ZFHX3: variants seen among roughly 807,000 people sequenced by gnomAD.
ZFHX3 encodes zinc finger homeobox protein 3.
In ZFHX3, 42 loss-of-function variants were observed where a neutral mutation model predicts 279.1. The ratio of observed to expected loss-of-function variants is 0.15; its 90% CI spans 0.12 to 0.19. ZFHX3 has a LOEUF of 0.19. ZFHX3 is among the 10% of genes least tolerant of loss of function. The probability of loss-of-function intolerance (pLI) is 1.00; values close to 1 mark genes in which losing one functional copy is unlikely to be tolerated. For synonymous variants in ZFHX3, 2,293 were observed against 1,957.8 expected (o/e 1.17, Z -4.52); for missense variants, 4,981 against 4,754.0 (o/e 1.05, Z -1.40).
chr16:73,099,750 G>GT (rs760550632), intron 7 of ZFHX3, among the ~76,000 whole-genome samples: 1 of 150,958 alleles, frequency 6.6e-6, no homozygotes, highest in Non-Finnish European at 1.5e-5. Flanking sequence ...AATGAGCTCT[G>GT]TGTGTCCTGC....
At chr16:73,875,007 T>A (rs892966670) in intron 1 of ZFHX3, among the ~76,000 whole-genome samples, 1 of 152,198 alleles carries the variant, frequency 6.6e-6, no homozygotes, top group Non-Finnish European at 1.5e-5. Flanking sequence ...AAGTCTCAAC[T>A]GCTAGTACAT....
intron 7 of ZFHX3, chr16:73,127,241 G>T (rs1226153546): frequency 1.1e-6 from 1 of 943,018 alleles, no homozygotes; most frequent in Non-Finnish European, 1.4e-6. Flanking sequence ...GGTTAGTATC[G>T]ATCAGAGCTA....
rs775085999 is a variant in ZFHX3, at chr16:73,791,581, T to C, written c.-1608+100070A>G. Among the ~76,000 whole-genome samples the C allele has an allele frequency of 6.8e-4, 104 of 152,206 alleles. 1 individual carries two copies. The highest frequency in any genetic ancestry group is 1.1e-3 in the Non-Finnish European group (77 of 67,998). On this transcript the variant is annotated intron_variant, in intron 1 of 17. Coordinates refer to the ZFHX3 transcript ENST00000641206. ...CCAGGACTACAGGCGCACACCACCA[T>C]GCCCAGCTAATTTTTTGTATTTTAA...
intron 5 of ZFHX3, among the ~76,000 whole-genome samples, chr16:73,238,451 G>C (rs2013020616): frequency 6.6e-6 from 1 of 151,780 alleles, no homozygotes; most frequent in South Asian, 2.1e-4. Context: ...TTCTCCCCCA[G>C]CTGCTCTTCA....
intron 3 of ZFHX3, among the ~76,000 whole-genome samples, chr16:73,368,271 A>T (rs1001986627): frequency 4.6e-5 from 7 of 152,240 alleles, no homozygotes; most frequent in Non-Finnish European, 7.3e-5. Flanking sequence ...CAAAACAAAA[A>T]GCCTCTGTAA....
chr16:73,095,115 G>A (rs1405661274), intron 7 of ZFHX3, among the ~76,000 whole-genome samples: 1 of 152,004 alleles, frequency 6.6e-6, no homozygotes, highest in Non-Finnish European at 1.5e-5. Context: ...ATAGAGACAA[G>A]GGTCTTGCTG....
chr16:73,002,710 T>C (rs1204837045), intron 1 of ZFHX3, among the ~76,000 whole-genome samples: 1 of 152,230 alleles, frequency 6.6e-6, no homozygotes, highest in Non-Finnish European at 1.5e-5. Context: ...TAAGGACATT[T>C]TGTGAAGCAT....
Position 72,797,134 on chromosome 16 carries a change from A to G in ZFHX3, c.5548T>C (p.Leu1850=). The G allele has an allele frequency of 6.2e-7, 1 of 1,613,758 alleles. No individual in the cohort carries two copies. The highest frequency in any genetic ancestry group is 1.3e-5 in the African/African-American group (1 of 74,960). The stretch of plus-strand genomic sequence containing the variant: ...AGTTGGTTCTGCTGCTGCTGCGGCA[A>G]GATCTGCTGATGGCTCTGCTGTGGG... ...QVPQQSHQQI[L]PQQQQNQLSI... The change falls in exon 9 of 10, where the codon TTG becomes CTG. Residue 1850 remains leucine, a synonymous_variant. Transcript: ENST00000268489.
At chr16:73,172,788 A>T (rs1373601299) in intron 5 of ZFHX3, among the ~76,000 whole-genome samples, 1 of 152,208 alleles carries the variant, frequency 6.6e-6, no homozygotes, top group Non-Finnish European at 1.5e-5. Context: ...AATGAGAAAC[A>T]TATGCTAGGA....
chr16:73,049,739 G>C (rs1324721797), upstream of ZFHX3, among the ~76,000 whole-genome samples: 1 of 152,186 alleles, frequency 6.6e-6, no homozygotes, highest in African/African-American at 2.4e-5. Flanking sequence ...AGAGCCAACA[G>C]GGAAGGTGGA....
intron 5 of ZFHX3, among the ~76,000 whole-genome samples, chr16:73,209,669 T>C (rs1481040464): frequency 6.6e-6 from 1 of 152,216 alleles, no homozygotes; most frequent in African/African-American, 2.4e-5. Context: ...TGGTATTGTT[T>C]TGCATTTTTG....
chr16:73,368,146 C>T (rs2016562869), intron 3 of ZFHX3, among the ~76,000 whole-genome samples: 1 of 152,216 alleles, frequency 6.6e-6, no homozygotes, highest in Non-Finnish European at 1.5e-5. Flanking sequence ...GCTGGGATTA[C>T]AGGCATCAAC....
intron 5 of ZFHX3, among the ~76,000 whole-genome samples, chr16:73,167,213 A>C (rs1390585326): frequency 6.6e-6 from 1 of 152,252 alleles, no homozygotes; most frequent in African/African-American, 2.4e-5. Context: ...AACAACACTG[A>C]GTAATAGGAT....
chr16:73,596,211 T>C (rs1469788334), intron 2 of ZFHX3, among the ~76,000 whole-genome samples: 1 of 151,880 alleles, frequency 6.6e-6, no homozygotes, highest in Non-Finnish European at 1.5e-5. Flanking sequence ...TTAGTAGAGA[T>C]GGGGTTTCAG....
At chr16:73,866,643 G>A (rs74030914) in intron 1 of ZFHX3, among the ~76,000 whole-genome samples, 76 of 152,268 alleles carry the variant, frequency 5.0e-4, no homozygotes, top group African/African-American at 1.6e-3. Flanking sequence ...TTATCTGTCC[G>A]GAATAGATTT....
At chr16:73,797,235 A>AAC (rs1960021391) in intron 1 of ZFHX3, among the ~76,000 whole-genome samples, 1 of 150,930 alleles carries the variant, frequency 6.6e-6, no homozygotes, top group Admixed American at 6.6e-5. Context: ...CAACAACAAC[A>AAC]AAACAGAAGT....
chr16:72,824,579 T>C (rs1375525989), intron 5 of ZFHX3, among the ~76,000 whole-genome samples: 1 of 152,138 alleles, frequency 6.6e-6, no homozygotes, highest in Admixed American at 6.5e-5. Context: ...AAAGCACCAA[T>C]ACCCTCTGGT....
chr16:73,840,429 G>A (rs1208481790), intron 1 of ZFHX3, among the ~76,000 whole-genome samples: 3 of 152,166 alleles, frequency 2.0e-5, no homozygotes, highest in Non-Finnish European at 2.9e-5. Flanking sequence ...AAGATGGCCT[G>A]GATGTTCATT....
In ZFHX3 at chr16:73,670,599, G is replaced by A. The variant is rs202030376; in HGVS notation, c.-1547+9581C>T. ...GGTCTTCTAACCTTGGTAGAGCAAAGACCATTATTTGACTGCAGGAAAAAA... is the reference window on the plus strand; with the variant it reads ...GGTCTTCTAACCTTGGTAGAGCAAAAACCATTATTTGACTGCAGGAAAAAA... On this transcript the variant is annotated intron_variant, in intron 2 of 17. Transcript: ENST00000641206. Among the ~76,000 whole-genome samples, 3 of 152,092 alleles carry A rather than the reference G, an allele frequency of 2.0e-5. No individual in the cohort carries two copies. In the East Asian group the frequency reaches 5.8e-4, roughly 29 times the overall value.
Sources: gnomAD v4.1 joint callset for allele counts (sites outside exome capture counted in the v4.1 genomes callset) on GRCh38, gnomAD v4.1.1 for gene constraint, MANE v1.5 for transcripts, NCBI Gene and HGNC (gene_info 2026-07-23, HGNC 2026-07-21) for gene names.